The following ERBB4 variants were observed in gnomAD, a reference collection of about 807,000 sequenced individuals.
ERBB4 encodes receptor tyrosine-protein kinase erbB-4.
Under a neutral mutation model 158.0 loss-of-function variants are expected in ERBB4, and 42 were observed. The ratio of observed to expected loss-of-function variants is 0.27; its 90% CI spans 0.21 to 0.34. ERBB4 has a LOEUF of 0.34. ERBB4 is among the 10% of genes least tolerant of loss of function. ERBB4 has a pLI of 1.00. For missense variants in ERBB4, 1,333 were observed against 1,624.1 expected (o/e 0.82, Z 3.08); for synonymous variants, 583 against 558.7 (o/e 1.04, Z -0.61).
chr2:211,451,300 T>C (rs1243988281), intron 20 of ERBB4, among the ~76,000 whole-genome samples: 1 of 152,190 alleles, frequency 6.6e-6, no homozygotes, highest in Non-Finnish European at 1.5e-5. Flanking sequence ...AGTGATGTTG[T>C]TGATAAAAGT....
At chr2:212,010,972 C>T (rs532955758) in intron 2 of ERBB4, among the ~76,000 whole-genome samples, 32 of 152,216 alleles carry the variant, frequency 2.1e-4, no homozygotes, top group African/African-American at 7.2e-4. Context: ...TTTGCCCAAC[C>T]CAGCAGGCAG....
intron 2 of ERBB4, among the ~76,000 whole-genome samples, chr2:211,952,183 T>C (rs1223974622): frequency 2.0e-5 from 3 of 152,098 alleles, no homozygotes; most frequent in Admixed American, 1.3e-4. Context: ...CTGGTATTCA[T>C]AGTCACATTC....
At chr2:212,495,208 T>A (rs1388535586) in intron 1 of ERBB4, among the ~76,000 whole-genome samples, 3 of 152,150 alleles carry the variant, frequency 2.0e-5, no homozygotes, top group Non-Finnish European at 2.9e-5. Flanking sequence ...GATTGTTTTT[T>A]CCTCATTAAA....
At chr2:211,404,586 CTT>C (rs1041759043) in intron 25 of ERBB4, among the ~76,000 whole-genome samples, 40 of 152,126 alleles carry the variant, frequency 2.6e-4, no homozygotes, top group African/African-American at 9.4e-4. Context: ...AGACAACTAA[CTT>C]TGTTAAAACA....
chr2:212,327,714 T>A, intron 1 of ERBB4, among the ~76,000 whole-genome samples: 1 of 45,650 alleles, frequency 2.2e-5, no homozygotes, highest in South Asian at 1.0e-3. Flanking sequence ...CGATTCTTTT[T>A]TTTTTCTTTT....
chr2:212,481,250 CAT>C (rs1170040293), intron 1 of ERBB4, among the ~76,000 whole-genome samples: 1 of 151,986 alleles, frequency 6.6e-6, no homozygotes, highest in Non-Finnish European at 1.5e-5. Context: ...CATACACACA[CAT>C]ACATGACTTT....
intron 2 of ERBB4, among the ~76,000 whole-genome samples, chr2:211,993,593 T>A (rs2082130078): frequency 6.6e-6 from 1 of 151,576 alleles, no homozygotes. Context: ...TTTTTCATCC[T>A]AGATAAGATA....
At chr2:211,411,101 G>T (rs1045132118) in intron 25 of ERBB4, among the ~76,000 whole-genome samples, 4 of 152,086 alleles carry the variant, frequency 2.6e-5, no homozygotes, top group Non-Finnish European at 5.9e-5. Context: ...TAGAGATGGG[G>T]TTTCACCATG....
chr2:212,316,894 A>G (rs555323263), intron 1 of ERBB4, among the ~76,000 whole-genome samples: 2 of 151,690 alleles, frequency 1.3e-5, no homozygotes, highest in East Asian at 3.9e-4. Flanking sequence ...AGTTCTGTGA[A>G]TAAATGTTAG....
intron 1 of ERBB4, among the ~76,000 whole-genome samples, chr2:212,194,008 G>A (rs1312255900): frequency 6.6e-6 from 1 of 151,908 alleles, no homozygotes; most frequent in Non-Finnish European, 1.5e-5. Flanking sequence ...GTACAGCTGG[G>A]AATTAACAGG....
chr2:211,878,657 G>GTTTTGT (rs1553653646), intron 3 of ERBB4, among the ~76,000 whole-genome samples: 1 of 133,894 alleles, frequency 7.5e-6, no homozygotes, highest in Non-Finnish European at 1.5e-5. Flanking sequence ...ATTAAGTTTT[G>GTTTTGT]TTTTTTTTTT....
chr2:212,054,621 T>C (rs2125404026), intron 2 of ERBB4, among the ~76,000 whole-genome samples: 1 of 152,304 alleles, frequency 6.6e-6, no homozygotes, highest in South Asian at 2.1e-4. Flanking sequence ...GCTTCCATTT[T>C]CTCTTCTTCC....
chr2:211,589,264 A>C (rs999442726), intron 19 of ERBB4, among the ~76,000 whole-genome samples: 8 of 152,158 alleles, frequency 5.3e-5, no homozygotes, highest in African/African-American at 1.7e-4. Flanking sequence ...TCCCTCAAGT[A>C]ATTGATGATC....
At chr2:211,898,706 T>C (rs905064374) in intron 3 of ERBB4, among the ~76,000 whole-genome samples, 21 of 152,162 alleles carry the variant, frequency 1.4e-4, no homozygotes, top group African/African-American at 4.8e-4. Flanking sequence ...GATCATTAAA[T>C]TAAAAAATGA....
At chr2:211,856,634 G>A (rs1470619162) in intron 3 of ERBB4, among the ~76,000 whole-genome samples, 5 of 151,866 alleles carry the variant, frequency 3.3e-5, no homozygotes, top group East Asian at 3.9e-4. Context: ...TGATCCGCCC[G>A]CCTCGGCCTT....
intron 2 of ERBB4, among the ~76,000 whole-genome samples, chr2:211,953,130 G>A (rs1008588234): frequency 6.6e-6 from 1 of 151,902 alleles, no homozygotes; most frequent in South Asian, 2.1e-4. Context: ...TTTAGATATC[G>A]TTTTCCAAGG....
At chr2:211,580,604 A>C (rs1559316671) in intron 19 of ERBB4, among the ~76,000 whole-genome samples, 1 of 151,472 alleles carries the variant, frequency 6.6e-6, no homozygotes, top group East Asian at 2.0e-4. Flanking sequence ...TTCCTTAAAG[A>C]ACTAAAAGTA....
intron 2 of ERBB4, among the ~76,000 whole-genome samples, chr2:211,966,170 C>G (rs772681639): frequency 6.6e-6 from 1 of 152,084 alleles, no homozygotes; most frequent in Non-Finnish European, 1.5e-5. Context: ...GCCGTTTTCA[C>G]GCCATTGCAC....
intron 3 of ERBB4, among the ~76,000 whole-genome samples, chr2:211,922,885 A>T (rs1042830285): frequency 6.6e-6 from 1 of 152,166 alleles, no homozygotes; most frequent in Non-Finnish European, 1.5e-5. Flanking sequence ...TATTCTGTTT[A>T]GTATATTCTG....
Sources: gnomAD v4.1 joint callset for allele counts (sites outside exome capture counted in the v4.1 genomes callset) on GRCh38, gnomAD v4.1.1 for gene constraint, MANE v1.5 for transcripts, NCBI Gene and HGNC (gene_info 2026-07-23, HGNC 2026-07-21) for gene names.